WLS: variants seen among roughly 807,000 people sequenced by gnomAD.
WLS encodes the protein Wnt ligand secretion mediator.
A neutral mutation model predicts 62.8 loss-of-function variants in WLS; 23 were observed. That is an observed-to-expected ratio of 0.37 (90% CI 0.26 to 0.52). WLS has a LOEUF of 0.52. Among genes scored for constraint, WLS ranks in the 20% least tolerant of loss-of-function variants. The pLI is 0.92. For synonymous variants in WLS, 246 were observed against 244.1 expected, an observed-to-expected ratio of 1.01 and a Z score of -0.07; for missense variants, 615 against 697.3, an observed-to-expected ratio of 0.88 and a Z score of 1.33.
chr1:68,126,245 C>T lies in WLS; in HGVS notation c.1607G>A (p.Arg536His). The change falls in exon 12 of 12, where the codon CGC (arginine) becomes CAC (histidine). Residue 536 changes from arginine (R) to histidine (H), a missense_variant. By Grantham distance (29) the Arg-to-His change is conservative. Coordinates refer to ENST00000262348, the MANE Select transcript of WLS (RefSeq NM_024911.7). ...DGPTEIYKLT[R>H]KEAQE Reference sequence around the variant, plus strand: ...AGCCTCCTACTCCTGGGCCTCCTTGCGGGTCAACTTGTAGATCTCAGTGGG... The same window carrying T: ...AGCCTCCTACTCCTGGGCCTCCTTGTGGGTCAACTTGTAGATCTCAGTGGG... The T allele has an allele frequency of 1.9e-6, 3 of 1,614,130 alleles. No individual in the cohort carries two copies. Among genetic ancestry groups the T allele is most frequent in the Middle Eastern group, 1.7e-4 (1 of 6,060 alleles).
At chr1:68,153,049 C>T (rs183415500) in intron 5 of WLS, among the ~76,000 whole-genome samples, 33 of 152,204 alleles carry the variant, frequency 2.2e-4, no homozygotes, top group Admixed American at 3.3e-4. Context: ...GAAGCTGAAG[C>T]GGGCAAATCA....
chr1:68,123,313 C>T (rs10889745), downstream of WLS, among the ~76,000 whole-genome samples: 47,942 of 151,986 alleles, frequency 0.32, 7,674 homozygotes, highest in East Asian at 0.45. Context: ...AACGTTGTTT[C>T]TTTCGTCTTT....
chr1:68,172,721 G>T (rs1220122664), intron 2 of WLS, among the ~76,000 whole-genome samples: 2 of 152,140 alleles, frequency 1.3e-5, no homozygotes, highest in Non-Finnish European at 2.9e-5. Flanking sequence ...CCAATGAATT[G>T]CAGAATAGGA....
At chr1:68,215,783 A>T (rs1434395787) in intron 1 of WLS, among the ~76,000 whole-genome samples, 1 of 152,348 alleles carries the variant, frequency 6.6e-6, no homozygotes, top group South Asian at 2.1e-4. Flanking sequence ...GCATGGCTTA[A>T]ATAAGTAGAA....
At chr1:68,143,331 T>G (rs574311671) in intron 10 of WLS, among the ~76,000 whole-genome samples, 8 of 152,158 alleles carry the variant, frequency 5.3e-5, no homozygotes, top group Admixed American at 5.2e-4. Context: ...TGCGTTCTGA[T>G]CTCTAACTTA....
At chr1:68,153,696 T>C in intron 4 of WLS, 43 bp from the exon 5 acceptor site, 2 of 1,611,482 alleles carry the variant, frequency 1.2e-6, no homozygotes, top group East Asian at 2.2e-5. Flanking sequence ...AATATTATCT[T>C]AGCATTTCCT....
At chr1:68,187,209 A>AAAAAAAAAAAAAAAAAAAAAAAAAG in intron 2 of WLS, among the ~76,000 whole-genome samples, 1 of 150,870 alleles carries the variant, frequency 6.6e-6, no homozygotes, top group Non-Finnish European at 1.5e-5. Flanking sequence ...AAAAAAAAAA[A>AAAAAAAAAAAAAAAAAAAAAAAAAG]AATTAGCAGC....
rs1650007544 is a variant in WLS at position 68,223,092 on chromosome 1, G to C, written c.106+9102C>G. Among the ~76,000 whole-genome samples the C allele has an allele frequency of 2.6e-5, 4 of 151,968 alleles. No homozygotes were observed. In the South Asian group the frequency reaches 8.3e-4, roughly 32 times the overall value. On this transcript the variant is annotated intron_variant, in intron 1 of 11. Coordinates refer to ENST00000262348, the MANE Select transcript of WLS (RefSeq NM_024911.7). ...TCTACAAGTCTGTGCTGCCAGTGAG[G>C]GTTGGCAAATCATCCCAACTCAGAA...
chr1:68,229,854 A>C (rs1650331487), intron 1 of WLS, among the ~76,000 whole-genome samples: 1 of 152,212 alleles, frequency 6.6e-6, no homozygotes, highest in Admixed American at 6.5e-5. Context: ...GTTTCCTCCA[A>C]GAAGTGTTAT....
At chr1:68,134,945 C>G (rs1646583814) in intron 11 of WLS, among the ~76,000 whole-genome samples, 1 of 152,184 alleles carries the variant, frequency 6.6e-6, no homozygotes, top group South Asian at 2.1e-4. Flanking sequence ...GTCATCCTGC[C>G]TCTGCAGGGT....
chr1:68,163,634 G>GA (rs5774918), intron 2 of WLS, among the ~76,000 whole-genome samples: 1 of 116,306 alleles, frequency 8.6e-6, no homozygotes, highest in Non-Finnish European at 1.7e-5. Context: ...TCTTAATGAG[G>GA]AAAAAAAAAA....
Position 68,144,635 on chromosome 1 carries a change from G to T in WLS, c.1296C>A (p.Phe432Leu). 2 of 1,613,468 alleles carry T rather than the reference G, an allele frequency of 1.2e-6. No individual in the cohort carries two copies. The highest frequency in any genetic ancestry group is 2.2e-5 in the South Asian group (2 of 91,010). ...CCAAGGTGATAAGCATGAGGAACTTGAACCTAAAAATTAGCCCCTATTAGA... is the reference window on the plus strand; with the variant it reads ...CCAAGGTGATAAGCATGAGGAACTTTAACCTAAAAATTAGCCCCTATTAGA... Reference protein sequence around the residue: ...RLHYEGLIFRFKFLMLITLAC... With the variant: ...RLHYEGLIFRLKFLMLITLAC... Residue 432 changes from phenylalanine (F) to leucine (L), a missense_variant, in exon 10 of 12, where the codon TTC (phenylalanine) becomes TTA (leucine). By Grantham distance (22) the Phe-to-Leu change is conservative (BLOSUM62 0). Coordinates refer to ENST00000262348, the MANE Select transcript of WLS (RefSeq NM_024911.7).
At chr1:68,146,624 G>C (rs954457712) in intron 8 of WLS, among the ~76,000 whole-genome samples, 2 of 152,202 alleles carry the variant, frequency 1.3e-5, no homozygotes, top group African/African-American at 4.8e-5. Flanking sequence ...GCATGGGCTT[G>C]AAAGTCTTAA....
At chr1:68,229,133 G>A (rs1650299291) in intron 1 of WLS, among the ~76,000 whole-genome samples, 1 of 152,116 alleles carries the variant, frequency 6.6e-6, no homozygotes, top group African/African-American at 2.4e-5. Flanking sequence ...CTCTACCAAT[G>A]AGGAGCCTGA....
intron 11 of WLS, among the ~76,000 whole-genome samples, chr1:68,107,644 G>T (rs945793359): frequency 1.3e-5 from 2 of 152,154 alleles, no homozygotes; most frequent in African/African-American, 2.4e-5. Flanking sequence ...AAAAAAACAT[G>T]ATCTTCCATT....
chr1:68,178,705 CAAA>C (rs376126398), intron 2 of WLS, among the ~76,000 whole-genome samples: 11,014 of 108,204 alleles, frequency 0.1, 478 homozygotes, highest in Admixed American at 0.14. Flanking sequence ...GACTACATTT[CAAA>C]AAAAAAAAAA....
At chr1:68,164,550 GC>G (rs1647034360) in intron 2 of WLS, among the ~76,000 whole-genome samples, 1 of 152,172 alleles carries the variant, frequency 6.6e-6, no homozygotes. Context: ...GAACCACTGT[GC>G]CTGGCCTCAA....
intron 11 of WLS, among the ~76,000 whole-genome samples, chr1:68,112,575 A>C (rs1042584500): frequency 6.6e-6 from 1 of 152,116 alleles, no homozygotes; most frequent in Non-Finnish European, 1.5e-5. Context: ...TTGCATCTCC[A>C]CACTCTCATA....
intron 2 of WLS, chr1:68,186,729 G>C (rs1647967557): frequency 2.2e-6 from 1 of 453,670 alleles, no homozygotes; most frequent in South Asian, 1.6e-5. Flanking sequence ...CAAAATCAGA[G>C]AGAAATCTAG....
Sources: gnomAD v4.1 joint callset for allele counts (sites outside exome capture counted in the v4.1 genomes callset) on GRCh38, gnomAD v4.1.1 for gene constraint, MANE v1.5 for transcripts, NCBI Gene and HGNC (gene_info 2026-07-23, HGNC 2026-07-21) for gene names.